ZNF804A: variants seen among roughly 807,000 people sequenced by gnomAD.
ZNF804A encodes zinc finger protein 804A.
A neutral mutation model predicts 16.5 loss-of-function variants in ZNF804A; 2 were observed. The ratio of observed to expected loss-of-function variants is 0.12; its 90% CI spans 0.05 to 0.38. The LOEUF is 0.38. Among genes scored for constraint, ZNF804A ranks in the 10% least tolerant of loss-of-function variants. ZNF804A has a pLI of 0.99. For missense variants in ZNF804A, 1,473 were observed against 1,390.7 expected (o/e 1.06, Z -0.94); for synonymous variants, 534 against 489.6 (o/e 1.09, Z -1.20).
At chr2:184,899,789 G>A (rs1685147859) in intron 2 of ZNF804A, among the ~76,000 whole-genome samples, 1 of 151,598 alleles carries the variant, frequency 6.6e-6, no homozygotes, top group Non-Finnish European at 1.5e-5. Flanking sequence ...ATAATATATT[G>A]TTAATGAAAG....
chr2:184,704,633 T>A (rs1205225337), intron 1 of ZNF804A, among the ~76,000 whole-genome samples: 1 of 152,134 alleles, frequency 6.6e-6, no homozygotes, highest in African/African-American at 2.4e-5. Flanking sequence ...AGTTAAGAGG[T>A]TTGAACTTTG....
chr2:184,657,208 T>A (rs572185310), intron 1 of ZNF804A, among the ~76,000 whole-genome samples: 1 of 152,192 alleles, frequency 6.6e-6, no homozygotes, highest in South Asian at 2.1e-4. Flanking sequence ...ACTTCAGACT[T>A]CCTAGTAGCT....
intron 2 of ZNF804A, among the ~76,000 whole-genome samples, chr2:184,876,074 G>A (rs545087255): frequency 3.0e-4 from 45 of 152,306 alleles, no homozygotes; most frequent in African/African-American, 1.0e-3. Context: ...AGCAAGTCAA[G>A]ATTCCTTGCT....
chr2:184,704,354 A>G lies in ZNF804A; in HGVS notation c.111+105284A>G, dbSNP rs561565485. Among the ~76,000 whole-genome samples the G allele has an allele frequency of 6.6e-5, 10 of 151,900 alleles. No homozygotes were observed. The South Asian group carries it at 1.9e-3, about 28-fold the overall frequency. ...TTTAGTAGAGACGGGGTTTCTCCAT[A>G]TTGGTCAGGCTGGTCTCGAACTCCC... On this transcript the variant is annotated intron_variant, in intron 1 of 3. Transcript: ENST00000302277.
intron 1 of ZNF804A, among the ~76,000 whole-genome samples, chr2:184,785,491 G>A (rs1694433521): frequency 1.3e-5 from 2 of 152,014 alleles, no homozygotes; most frequent in South Asian, 2.1e-4. Flanking sequence ...TTATGGAGGT[G>A]TAATGGTTAT....
chr2:184,812,472 C>A (rs777161953), intron 1 of ZNF804A, among the ~76,000 whole-genome samples: 1 of 152,044 alleles, frequency 6.6e-6, no homozygotes, highest in Non-Finnish European at 1.5e-5. Context: ...TATTTTTCCC[C>A]TCTTCTCTGA....
chr2:184,898,872 T>G (rs1685131646), intron 2 of ZNF804A, among the ~76,000 whole-genome samples: 1 of 151,956 alleles, frequency 6.6e-6, no homozygotes, highest in Admixed American at 6.6e-5. Context: ...CAACATAAAT[T>G]TTTTACATGC....
chr2:184,709,854 T>C (rs1388595050), intron 1 of ZNF804A, among the ~76,000 whole-genome samples: 1 of 148,218 alleles, frequency 6.7e-6, no homozygotes, highest in Non-Finnish European at 1.5e-5. Flanking sequence ...ATAGTATATA[T>C]TATAAATATA....
chr2:184,804,702 A>C (rs1694776872), intron 1 of ZNF804A, among the ~76,000 whole-genome samples: 1 of 152,238 alleles, frequency 6.6e-6, no homozygotes, highest in Non-Finnish European at 1.5e-5. Flanking sequence ...ATTTACAAAA[A>C]TTGAAAAAGC....
At chr2:184,721,473 TA>T (rs1010266286) in intron 1 of ZNF804A, among the ~76,000 whole-genome samples, 61 of 151,020 alleles carry the variant, frequency 4.0e-4, no homozygotes, top group African/African-American at 1.2e-3. Context: ...AACAGGTATA[TA>T]AAAAAAAATG....
rs2105845428 is a variant in ZNF804A at position 184,938,691 on chromosome 2, C to G, written c.3295C>G (p.His1099Asp). Residue 1099 changes from histidine (H) to aspartate (D), a missense_variant, in exon 4 of 4, where the codon CAT (histidine) becomes GAT (aspartate). His to Asp is a moderately conservative substitution (Grantham distance 81, BLOSUM62 -1). Coordinates refer to ENST00000302277, the MANE Select transcript of ZNF804A (RefSeq NM_194250.2). Reference sequence around the variant, plus strand: ...ATGTTCTACCTCTGTAACCACTATCCATCACACTGTTTTGCAGCAGCACGC... The same window carrying G: ...ATGTTCTACCTCTGTAACCACTATCGATCACACTGTTTTGCAGCAGCACGC... Reference protein sequence around the residue: ...SLCSTSVTTIHHTVLQQHAAA... With the variant: ...SLCSTSVTTIDHTVLQQHAAA... The G allele has an allele frequency of 6.2e-7, 1 of 1,613,770 alleles. No individual in the cohort carries two copies. The highest frequency in any genetic ancestry group is 2.2e-5 in the East Asian group (1 of 44,820).
At chr2:184,693,144 C>T (rs1692761469) in intron 1 of ZNF804A, among the ~76,000 whole-genome samples, 1 of 152,082 alleles carries the variant, frequency 6.6e-6, no homozygotes, top group Non-Finnish European at 1.5e-5. Context: ...ATCTGCCAAA[C>T]CTGTGTACTA....
At chr2:184,744,237 A>G (rs1693752742) in intron 1 of ZNF804A, among the ~76,000 whole-genome samples, 1 of 151,884 alleles carries the variant, frequency 6.6e-6, no homozygotes, top group African/African-American at 2.4e-5. Flanking sequence ...TAACTCATAG[A>G]TTATTACAAG....
intron 1 of ZNF804A, among the ~76,000 whole-genome samples, chr2:184,603,053 G>T (rs1691074854): frequency 6.6e-6 from 1 of 152,098 alleles, no homozygotes; most frequent in Admixed American, 6.5e-5. Context: ...ACTCATTTCT[G>T]TCGGACCTAA....
chr2:184,849,331 G>T (rs544846637), intron 1 of ZNF804A, among the ~76,000 whole-genome samples: 5 of 151,986 alleles, frequency 3.3e-5, no homozygotes, highest in African/African-American at 4.8e-5. Flanking sequence ...GAGGCATAAC[G>T]CAGTCAGAAA....
intron 1 of ZNF804A, among the ~76,000 whole-genome samples, chr2:184,804,614 G>A (rs1454731474): frequency 6.6e-6 from 1 of 152,264 alleles, no homozygotes; most frequent in East Asian, 1.9e-4. Flanking sequence ...ACTAGATAAT[G>A]CAGAGAAATT....
intron 1 of ZNF804A, among the ~76,000 whole-genome samples, chr2:184,694,974 A>G (rs1472723601): frequency 6.6e-6 from 1 of 152,164 alleles, no homozygotes; most frequent in Non-Finnish European, 1.5e-5. Flanking sequence ...CTTTGGTACA[A>G]ACTTCACTCA....
At chr2:184,887,482 T>C (rs1684911805) in intron 2 of ZNF804A, among the ~76,000 whole-genome samples, 1 of 152,176 alleles carries the variant, frequency 6.6e-6, no homozygotes, top group Non-Finnish European at 1.5e-5. Flanking sequence ...TTGACACCAA[T>C]TTACTGTATT....
At chr2:184,820,960 A>C (rs1163116943) in intron 1 of ZNF804A, among the ~76,000 whole-genome samples, 1 of 152,190 alleles carries the variant, frequency 6.6e-6, no homozygotes. Context: ...ATGGATAGGA[A>C]GAATCAATAT....
Sources: allele counts gnomAD v4.1 joint callset (sites outside exome capture counted in the v4.1 genomes callset), GRCh38; gene constraint gnomAD v4.1.1; transcripts MANE v1.5; gene names NCBI Gene and HGNC (gene_info 2026-07-23, HGNC 2026-07-21).